The following RPS6KA2 variants were observed in gnomAD, a reference collection of about 807,000 sequenced individuals.
RPS6KA2 encodes the protein ribosomal protein S6 kinase A2.
Under a neutral mutation model 91.8 loss-of-function variants are expected in RPS6KA2, and 42 were observed. That is an observed-to-expected ratio of 0.46 (90% CI 0.36 to 0.59). The LOEUF (loss-of-function observed/expected upper bound fraction) is 0.59. Among genes scored for constraint, RPS6KA2 ranks in the 20% least tolerant of loss-of-function variants. RPS6KA2 has a pLI of 0.00. For synonymous variants in RPS6KA2, 414 were observed against 393.6 expected (o/e 1.05, Z -0.61); for missense variants, 798 against 978.5 (o/e 0.82, Z 2.46).
At chr6:166,799,569 G>A (rs1779309729) in intron 2 of RPS6KA2, among the ~76,000 whole-genome samples, 1 of 148,038 alleles carries the variant, frequency 6.8e-6, no homozygotes, top group Non-Finnish European at 1.5e-5. Context: ...AAAATTGCAT[G>A]CTCAGAAGGA....
In RPS6KA2 at chr6:166,493,782, G is replaced by A. The variant is rs369526128; in HGVS notation, c.748-3041C>T. On this transcript the variant is annotated intron_variant, in intron 8 of 20. Transcript: ENST00000265678. The surrounding 1 kb of genome is among the most constrained non-coding windows in gnomAD (Gnocchi z 4.7). ...GCCCGGGAGCCCTGGTGCTACAGGC[G>A]TCCACTGAGGGAGGCACAGATGCTG... Among the ~76,000 whole-genome samples the A allele has an allele frequency of 6.6e-6, 1 of 152,194 alleles. No homozygotes were observed. Among genetic ancestry groups the A allele is most frequent in the African/African-American group, 2.4e-5 (1 of 41,432 alleles).
At chr6:166,622,736 C>T (rs1430630353) in intron 1 of RPS6KA2, among the ~76,000 whole-genome samples, 1 of 152,140 alleles carries the variant, frequency 6.6e-6, no homozygotes, top group Non-Finnish European at 1.5e-5. Context: ...TTTATATGTA[C>T]AGATAGATGA....
intron 2 of RPS6KA2, among the ~76,000 whole-genome samples, chr6:166,704,472 A>G (rs1020267603): frequency 1.3e-5 from 2 of 152,252 alleles, no homozygotes; most frequent in South Asian, 4.1e-4. Context: ...TGCATTAGTC[A>G]TGAGCCAATT....
intron 3 of RPS6KA2, among the ~76,000 whole-genome samples, chr6:166,510,986 T>A (rs186542653): frequency 2.0e-5 from 3 of 152,128 alleles, no homozygotes; most frequent in Admixed American, 6.5e-5. Flanking sequence ...TGGTTGCTCA[T>A]TTGCTTTCTA....
chr6:166,753,902 C>T (rs1208367621), intron 2 of RPS6KA2, among the ~76,000 whole-genome samples: 1 of 152,220 alleles, frequency 6.6e-6, no homozygotes, highest in Non-Finnish European at 1.5e-5. Flanking sequence ...AGACGACTGT[C>T]AGAAACGTAC....
At chr6:166,671,725 G>C (rs1349572150) in intron 2 of RPS6KA2, among the ~76,000 whole-genome samples, 1 of 152,152 alleles carries the variant, frequency 6.6e-6, no homozygotes, top group Non-Finnish European at 1.5e-5. Context: ...GCAGATATCA[G>C]GCTGAGTCTG....
Position 166,612,204 on chromosome 6 carries a change from G to A in RPS6KA2, c.99+14717C>T, listed in dbSNP as rs138805679. ...CACTGACCATCTGGGGGGGCTCTAG[G>A]AAAAGCCTGGAAGAGACTCTCTGTG... On this transcript the variant is annotated intron_variant, in intron 1 of 20. Coordinates refer to ENST00000265678, the MANE Select transcript of RPS6KA2 (RefSeq NM_021135.6). This position sits in a 1 kb window ranked among gnomAD's most constrained non-coding sequence, Gnocchi z 4.3. Among the ~76,000 whole-genome samples, 346 of 152,172 alleles carry A rather than the reference G, an allele frequency of 2.3e-3. No individual in the cohort carries two copies. The highest frequency in any genetic ancestry group is 6.4e-3 in the African/African-American group (267 of 41,520).
intron 2 of RPS6KA2, among the ~76,000 whole-genome samples, chr6:166,789,479 C>T (rs1417832695): frequency 6.6e-6 from 1 of 152,234 alleles, no homozygotes; most frequent in Non-Finnish European, 1.5e-5. Flanking sequence ...CCTCTGCAGA[C>T]TTAAATGTCC....
At chr6:166,550,884 C>T (rs1274968109) in intron 1 of RPS6KA2, among the ~76,000 whole-genome samples, 1 of 150,722 alleles carries the variant, frequency 6.6e-6, no homozygotes, top group Non-Finnish European at 1.5e-5. Context: ...GCCTGTAGTC[C>T]CAGCTACTCG....
rs1779248947 is a variant in RPS6KA2 at position 166,434,913 on chromosome 6, C to G, written c.1333-2423G>C. 6.6e-6 allele frequency among the ~76,000 whole-genome samples: 1 copy of G among 152,120 alleles called. No individual in the cohort carries two copies. The highest frequency in any genetic ancestry group is 1.5e-5 in the Non-Finnish European group (1 of 68,018). On this transcript the variant is annotated intron_variant, in intron 14 of 20. Coordinates refer to ENST00000265678, the MANE Select transcript of RPS6KA2 (RefSeq NM_021135.6). This position sits in a 1 kb window ranked among gnomAD's most constrained non-coding sequence, Gnocchi z 4.4. ...TTCCTTGTGGGTGCATAAAATAACC[C>G]TGGAAGGAAGGAGGAAACATTTAAT...
chr6:166,754,682 T>C (rs1777953355), intron 2 of RPS6KA2, among the ~76,000 whole-genome samples: 1 of 152,114 alleles, frequency 6.6e-6, no homozygotes, highest in Non-Finnish European at 1.5e-5. Context: ...GAGCAGCCTC[T>C]CCAGGGCCAG....
At chr6:166,753,878 C>A (rs559473807) in intron 2 of RPS6KA2, among the ~76,000 whole-genome samples, 1 of 152,142 alleles carries the variant, frequency 6.6e-6, no homozygotes, top group Non-Finnish European at 1.5e-5. Context: ...CCCACTTTCC[C>A]GAAATTTCAA....
At chr6:166,832,274 T>G (rs552654912) in intron 2 of RPS6KA2, among the ~76,000 whole-genome samples, 1 of 151,672 alleles carries the variant, frequency 6.6e-6, no homozygotes, top group South Asian at 2.1e-4. Context: ...ATAAGAGGAG[T>G]GGGATTTGGA....
chr6:166,586,412 A>G, intron 1 of RPS6KA2: 6 of 1,599,928 alleles, frequency 3.8e-6, no homozygotes, highest in Non-Finnish European at 5.1e-6. Flanking sequence ...ACTCCTTGTC[A>G]TTTTCTGTGA....
chr6:166,855,826 T>C (rs1780885210), intron 2 of RPS6KA2, among the ~76,000 whole-genome samples: 1 of 152,236 alleles, frequency 6.6e-6, no homozygotes, highest in African/African-American at 2.4e-5. Flanking sequence ...AGATTATAGT[T>C]CTGCAAAATA....
intron 2 of RPS6KA2, among the ~76,000 whole-genome samples, chr6:166,798,175 G>A (rs1779272199): frequency 6.6e-6 from 1 of 152,178 alleles, no homozygotes; most frequent in Non-Finnish European, 1.5e-5. Context: ...TGTAGCTATT[G>A]AACAATGGAA....
intron 2 of RPS6KA2, among the ~76,000 whole-genome samples, chr6:166,654,017 T>TTC (rs756364700): frequency 1.3e-4 from 20 of 152,220 alleles, no homozygotes; most frequent in Non-Finnish European, 2.6e-4. Flanking sequence ...GAAAAATCAT[T>TTC]TCTCAACTGT....
chr6:166,536,033 G>A (rs1783466793), intron 2 of RPS6KA2, among the ~76,000 whole-genome samples: 1 of 152,248 alleles, frequency 6.6e-6, no homozygotes, highest in Admixed American at 6.5e-5. Flanking sequence ...GGCTCCTGGT[G>A]CAGTCTGAGG....
intron 2 of RPS6KA2, among the ~76,000 whole-genome samples, chr6:166,820,293 C>T (rs1056537065): frequency 6.6e-6 from 1 of 152,180 alleles, no homozygotes; most frequent in Non-Finnish European, 1.5e-5. Flanking sequence ...TCCTAACCAT[C>T]CACAGAACCC....
Sources: allele counts gnomAD v4.1 joint callset (sites outside exome capture counted in the v4.1 genomes callset), GRCh38; gene constraint gnomAD v4.1.1; non-coding constraint Gnocchi (gnomAD v3.1); transcripts MANE v1.5; gene names NCBI Gene and HGNC (gene_info 2026-07-23, HGNC 2026-07-21).